CDH12: variants seen among roughly 807,000 people sequenced by gnomAD.
CDH12 encodes cadherin-12.
CDH12 carries 41 observed loss-of-function variants against 74.1 expected under a neutral mutation model. That is an observed-to-expected ratio of 0.55 (90% CI 0.43 to 0.72). CDH12 has a LOEUF of 0.72. Among genes scored for constraint, CDH12 ranks in the 30% least tolerant of loss-of-function variants. The pLI is 0.00. For synonymous variants in CDH12, 399 were observed against 355.0 expected, an observed-to-expected ratio of 1.12 and a Z score of -1.39; for missense variants, 945 against 977.2, an observed-to-expected ratio of 0.97 and a Z score of 0.44.
chr5:21,934,277 C>G (rs550282820), intron 6 of CDH12, among the ~76,000 whole-genome samples: 1 of 152,090 alleles, frequency 6.6e-6, no homozygotes, highest in Non-Finnish European at 1.5e-5. Flanking sequence ...AGCACCATCC[C>G]CCTTTGGTAA....
Position 22,394,926 on chromosome 5 carries a change from C to G in CDH12, c.-333+10331G>C, listed in dbSNP as rs1261877929. 5.3e-5 allele frequency among the ~76,000 whole-genome samples: 8 copies of G among 152,060 alleles called. No individual in the cohort carries two copies. In the East Asian group the frequency reaches 1.5e-3, roughly 29 times the overall value. ...TAATGGATTTAGACTTCCAAGTATG[C>G]CGGGATAGGTTGGCTATTGTTGCAT... is the stretch of plus-strand genomic sequence containing the variant. On this transcript the variant is annotated intron_variant, in intron 3 of 14. Coordinates refer to ENST00000382254, the MANE Select transcript of CDH12 (RefSeq NM_004061.5).
chr5:22,375,493 C>G (rs1741482127), intron 3 of CDH12, among the ~76,000 whole-genome samples: 1 of 151,932 alleles, frequency 6.6e-6, no homozygotes, highest in African/African-American at 2.4e-5. Flanking sequence ...CAGAGAGAAA[C>G]AGAATGAAGA....
intron 1 of CDH12, among the ~76,000 whole-genome samples, chr5:22,670,379 T>C (rs919581524): frequency 1.3e-5 from 2 of 152,192 alleles, no homozygotes; most frequent in African/African-American, 4.8e-5. Flanking sequence ...AAAAGTATCA[T>C]ATTTTTAAAT....
intron 2 of CDH12, among the ~76,000 whole-genome samples, chr5:22,410,149 G>A (rs1743115956): frequency 6.6e-6 from 1 of 151,938 alleles, no homozygotes; most frequent in Non-Finnish European, 1.5e-5. Flanking sequence ...AGAAGCAAAA[G>A]TTTATCTCTG....
At chr5:22,473,744 AT>A (rs1347709202) in intron 2 of CDH12, among the ~76,000 whole-genome samples, 1 of 152,072 alleles carries the variant, frequency 6.6e-6, no homozygotes, top group East Asian at 1.9e-4. Context: ...TGTGGATTTT[AT>A]TTTTGTGAAT....
intron 6 of CDH12, among the ~76,000 whole-genome samples, chr5:21,902,716 CT>C (rs1212918896): frequency 6.6e-6 from 1 of 152,014 alleles, no homozygotes; most frequent in Non-Finnish European, 1.5e-5. Flanking sequence ...TTAAAAGAGA[CT>C]AATATAAATA....
intron 4 of CDH12, among the ~76,000 whole-genome samples, chr5:22,111,846 C>A (rs148449953): frequency 6.6e-6 from 1 of 152,042 alleles, no homozygotes; most frequent in African/African-American, 2.4e-5. Flanking sequence ...TATACATACA[C>A]GGGTACTATA....
chr5:22,469,635 A>G (rs1745876041), intron 2 of CDH12, among the ~76,000 whole-genome samples: 1 of 152,130 alleles, frequency 6.6e-6, no homozygotes, highest in Non-Finnish European at 1.5e-5. Context: ...CAGATAAATG[A>G]GGGAAGGTTT....
intron 1 of CDH12, among the ~76,000 whole-genome samples, chr5:22,737,345 A>G (rs1266672965): frequency 1.3e-5 from 2 of 151,974 alleles, no homozygotes; most frequent in Non-Finnish European, 2.9e-5. Flanking sequence ...AAAATAAATA[A>G]TAATAACAAA....
chr5:21,816,624 CAAAAA>C (rs542222336), intron 9 of CDH12, among the ~76,000 whole-genome samples: 253 of 17,868 alleles, frequency 0.014, no homozygotes, highest in African/African-American at 0.03. Flanking sequence ...AACTCCATCT[CAAAAA>C]AAAAAAAAAA....
chr5:22,684,710 T>G (rs1043186250), intron 1 of CDH12, among the ~76,000 whole-genome samples: 6 of 152,234 alleles, frequency 3.9e-5, no homozygotes, highest in Admixed American at 3.9e-4. Context: ...CTGCAAATTA[T>G]ACCCAGCTTC....
chr5:22,737,991 C>G (rs1297016520), intron 1 of CDH12, among the ~76,000 whole-genome samples: 1 of 151,906 alleles, frequency 6.6e-6, no homozygotes, highest in Non-Finnish European at 1.5e-5. Context: ...TTATGATTAT[C>G]TGGGAAGAAG....
At chr5:22,392,543 A>C (rs551686334) in intron 3 of CDH12, among the ~76,000 whole-genome samples, 2 of 152,326 alleles carry the variant, frequency 1.3e-5, no homozygotes, top group East Asian at 3.9e-4. Context: ...CATATTTGGC[A>C]CATGGTAAGC....
intron 3 of CDH12, among the ~76,000 whole-genome samples, chr5:22,261,545 C>T (rs568921957): frequency 1.8e-4 from 27 of 152,116 alleles, no homozygotes; most frequent in African/African-American, 5.1e-4. Flanking sequence ...AAAGTTCATA[C>T]TGGGCTCATC....
chr5:22,234,082 T>A (rs1426329211), intron 3 of CDH12, among the ~76,000 whole-genome samples: 1 of 152,190 alleles, frequency 6.6e-6, no homozygotes, highest in Non-Finnish European at 1.5e-5. Flanking sequence ...TTCCTCTTTT[T>A]AAAAAAATAA....
intron 3 of CDH12, among the ~76,000 whole-genome samples, chr5:22,253,203 AATT>A (rs143746831): frequency 0.081 from 12,268 of 151,864 alleles, 569 homozygotes; most frequent in South Asian, 0.16. Flanking sequence ...TTTATAAAGT[AATT>A]ATGACATTTT....
intron 3 of CDH12, among the ~76,000 whole-genome samples, chr5:22,245,349 A>G (rs1202685105): frequency 6.6e-6 from 1 of 152,160 alleles, no homozygotes; most frequent in Admixed American, 6.5e-5. Flanking sequence ...TTTGGATTCC[A>G]GGTCTATTTT....
chr5:21,796,159 A>G (rs1271063579), intron 10 of CDH12, among the ~76,000 whole-genome samples: 1 of 152,038 alleles, frequency 6.6e-6, no homozygotes, highest in East Asian at 1.9e-4. Flanking sequence ...TTGACTTACC[A>G]TGAGGTTACA....
At chr5:22,620,801 C>A (rs1737933332) in intron 1 of CDH12, among the ~76,000 whole-genome samples, 1 of 152,092 alleles carries the variant, frequency 6.6e-6, no homozygotes, top group African/African-American at 2.4e-5. Context: ...AAATAAACAT[C>A]TAAACACTTG....
Sources: allele counts gnomAD v4.1 joint callset (sites outside exome capture counted in the v4.1 genomes callset), GRCh38; gene constraint gnomAD v4.1.1; transcripts MANE v1.5; gene names NCBI Gene and HGNC (gene_info 2026-07-23, HGNC 2026-07-21).